MYBPC2: variants seen among roughly 807,000 people sequenced by gnomAD.
MYBPC2 encodes the protein myosin-binding protein C, fast-type.
Under a neutral mutation model 137.0 loss-of-function variants are expected in MYBPC2, and 122 were observed. The ratio of observed to expected loss-of-function variants is 0.89; its 90% CI spans 0.77 to 1.03. MYBPC2 has a LOEUF of 1.03. Among genes scored for constraint, MYBPC2 ranks in the 50% least tolerant of loss-of-function variants. MYBPC2 has a pLI of 0.00. For synonymous variants in MYBPC2, 626 were observed against 612.3 expected (o/e 1.02, Z -0.33); for missense variants, 1,500 against 1,534.4 (o/e 0.98, Z 0.37).
rs552777401 is a variant in MYBPC2, at chr19:50,461,999, C to T, written c.3191C>T (p.Ser1064Leu). The stretch of plus-strand genomic sequence containing the variant: ...GACCGCGTGGTCGTGGCTGGGTACT[C>T]GGCAGCCCTCAACTGTGCTGTCAGA... ...LIDRVVVAGY[S>L]AALNCAVRGH... Residue 1064 changes from serine to leucine, a missense_variant, in exon 26 of 28, where the codon TCG becomes TTG. By Grantham distance (145) the Ser-to-Leu change is moderately radical. Coordinates refer to ENST00000357701, the MANE Select transcript of MYBPC2 (RefSeq NM_004533.4). 46 of 1,573,286 alleles carry T rather than the reference C, an allele frequency of 2.9e-5. 1 individual carries two copies. The highest frequency in any genetic ancestry group is 1.1e-4 in the South Asian group (9 of 85,592).
Position 50,464,445 on chromosome 19 carries a change from C to T in MYBPC2, c.3328C>T (p.Pro1110Ser), listed in dbSNP as rs2039997017. The part of the protein sequence containing the change: ...QGVLTLNIRR[P>S]SPFDAGTYTC... ...AGTCCTGACGCTGAACATCCGTCGC[C>T]CCTCGCCCTTCGACGCTGGGACTTA... The change falls in exon 27 of 28, where the codon CCC becomes TCC. Residue 1110 changes from proline (P) to serine (S), a missense_variant. Coordinates refer to ENST00000357701, the MANE Select transcript of MYBPC2 (RefSeq NM_004533.4). The T allele has an allele frequency of 1.9e-5, 31 of 1,612,004 alleles. No homozygotes were observed. Among genetic ancestry groups the T allele is most frequent in the Non-Finnish European group, 2.5e-5 (30 of 1,179,272 alleles).
At position 50,446,044 on chromosome 19, in the gene MYBPC2, T is replaced by C. The variant is rs1444914945; in HGVS notation, c.1298T>C (p.Ile433Thr). Residue 433 changes from isoleucine (I) to threonine (T), a missense_variant, in exon 12 of 28, where the codon ATT (isoleucine) becomes ACT (threonine). Physicochemically the swap from Ile to Thr is moderately conservative, Grantham distance 89. Transcript: ENST00000357701. ...TNGGQCEAELIVEEKQLEVLQ... is the reference protein window; with the variant it reads ...TNGGQCEAELTVEEKQLEVLQ... ...GGCGGCCAGTGTGAGGCCGAGCTGATTGTGGAAGGTATGGGGCCTCCAGGT... is the reference window on the plus strand; with the variant it reads ...GGCGGCCAGTGTGAGGCCGAGCTGACTGTGGAAGGTATGGGGCCTCCAGGT... The C allele has an allele frequency of 6.2e-7, 1 of 1,612,694 alleles. No homozygotes were observed. The highest frequency in any genetic ancestry group is 1.1e-5 in the South Asian group (1 of 90,660).
chr19:50,454,706 G>A lies in MYBPC2; in HGVS notation c.2014+337G>A, dbSNP rs1308182262. Among the ~76,000 whole-genome samples the A allele has an allele frequency of 2.6e-5, 4 of 152,054 alleles. No individual in the cohort carries two copies. In the East Asian group the frequency reaches 7.7e-4, roughly 29 times the overall value. On this transcript the variant is annotated intron_variant, in intron 18 of 27. Coordinates refer to ENST00000357701, the MANE Select transcript of MYBPC2 (RefSeq NM_004533.4). ...CTCCCAAAGTGCTGGGATTACAGGTGTCAGCCACGGCACCAGCCTCTGCCT... is the reference window on the plus strand; with the variant it reads ...CTCCCAAAGTGCTGGGATTACAGGTATCAGCCACGGCACCAGCCTCTGCCT...
chr19:50,441,023 G>C lies in MYBPC2; in HGVS notation c.716G>C (p.Arg239Pro). The C allele has an allele frequency of 1.2e-6, 2 of 1,609,400 alleles. No individual in the cohort carries two copies. The highest frequency in any genetic ancestry group is 1.7e-6 in the Non-Finnish European group (2 of 1,177,900). ...TTCCAGTATGGCATCACCGACCTCC[G>C]GGGCATGCTGAAGCGGCTGAAAAAG... is the stretch of plus-strand genomic sequence containing the variant. Reference protein sequence around the residue: ...IAFQYGITDLRGMLKRLKKAK... With the variant: ...IAFQYGITDLPGMLKRLKKAK... The change falls in exon 8 of 28, where the codon CGG (arginine) becomes CCG (proline). Residue 239 changes from arginine (R) to proline (P), a missense_variant. Arg to Pro is a moderately radical substitution (Grantham distance 103). Transcript: ENST00000357701.
chr19:50,442,934 C>T lies in MYBPC2; in HGVS notation c.903-560C>T, dbSNP rs554901275. 3.0e-4 allele frequency among the ~76,000 whole-genome samples: 46 copies of T among 151,558 alleles called. 1 individual carries two copies. In the East Asian group the frequency reaches 5.1e-3, roughly 17 times the overall value. On this transcript the variant is annotated intron_variant, in intron 9 of 27. Coordinates refer to ENST00000357701, the MANE Select transcript of MYBPC2 (RefSeq NM_004533.4). ...CTGGGATGACAGGAGCGCCCCAACA[C>T]ATCTAATTTTTGGGGTGTATTTTTG...
chr19:50,455,600 C>G lies in MYBPC2; in HGVS notation c.2294C>G (p.Ala765Gly), dbSNP rs2039902361. The stretch of plus-strand genomic sequence containing the variant: ...TGGAGGCCTCCGAACAGGATCGGGG[C>G]AGGTGGCATCGATGGGTACCTGGTG... ...LKWRPPNRIG[A>G]GGIDGYLVEY... The change falls in exon 20 of 28, where the codon GCA becomes GGA. Residue 765 changes from alanine (A) to glycine (G), a missense_variant. Coordinates refer to ENST00000357701, the MANE Select transcript of MYBPC2 (RefSeq NM_004533.4). 2 of 1,613,892 alleles carry G rather than the reference C, an allele frequency of 1.2e-6. No individual in the cohort carries two copies. The highest frequency in any genetic ancestry group is 1.6e-4 in the Middle Eastern group (1 of 6,084).
chr19:50,443,103 A>G (rs955479193), intron 9 of MYBPC2, among the ~76,000 whole-genome samples: 1 of 152,060 alleles, frequency 6.6e-6, no homozygotes, highest in African/African-American at 2.4e-5. Context: ...GCTAGCTTGG[A>G]CAACATAGCG....
chr19:50,465,579 C>T lies in MYBPC2; in HGVS notation c.3416-616C>T, dbSNP rs1271876030. The stretch of plus-strand genomic sequence containing the variant: ...CTTTCTAGCCAAGCACGGTGGCTCT[C>T]GCCTGTAATCCCAGCACATTGGGAG... On this transcript the variant is annotated intron_variant, in intron 27 of 27. Transcript: ENST00000357701. This position sits in a 1 kb window ranked among gnomAD's most constrained non-coding sequence, Gnocchi z 4.5. Among the ~76,000 whole-genome samples, 1 of 152,206 alleles carries T rather than the reference C, an allele frequency of 6.6e-6. No individual in the cohort carries two copies. Among genetic ancestry groups the T allele is most frequent in the Admixed American group, 6.5e-5 (1 of 15,288 alleles).
At position 50,442,188 on chromosome 19, in the gene MYBPC2, A is replaced by C. The variant is rs182127097; in HGVS notation, c.777A>C (p.Thr259=). The C allele has an allele frequency of 1.4e-4, 219 of 1,592,608 alleles. 2 individuals are homozygous for C. The Admixed American group carries it at 3.8e-3, about 28-fold the overall frequency. Residue 259 remains threonine (T), a synonymous_variant, in exon 9 of 28, where the codon ACA becomes ACC. Transcript: ENST00000357701. ...KVEVKKSAAF[T]KKLDPAYQVD... is the part of the protein sequence containing the mutation. Reference sequence around the variant, plus strand: ...GCATGCCTCAATCTTCAGCATTCACAAAGAAGCTGGATCCAGCCTACCAAG... The same window carrying C: ...GCATGCCTCAATCTTCAGCATTCACCAAGAAGCTGGATCCAGCCTACCAAG...
Position 50,455,232 on chromosome 19 carries a change from C to T in MYBPC2, c.2139C>T (p.Val713=), listed in dbSNP as rs776072088. The T allele has an allele frequency of 3.1e-6, 5 of 1,613,806 alleles. No homozygotes were observed. The East Asian group carries it at 8.9e-5, about 29-fold the overall frequency. ...MIEGILYEMR[V]FAVNAIGVSQ... is the part of the protein sequence containing the mutation. ...AGGGCATCCTCTATGAGATGCGTGT[C>T]TTCGCCGTCAATGCTATAGGGGTCT... Residue 713 remains valine (V), a synonymous_variant, in exon 19 of 28, where the codon GTC becomes GTT. Coordinates refer to ENST00000357701, the MANE Select transcript of MYBPC2 (RefSeq NM_004533.4).
At chr19:50,434,800 G>C (rs1038719994) in intron 1 of MYBPC2, among the ~76,000 whole-genome samples, 2 of 152,274 alleles carry the variant, frequency 1.3e-5, no homozygotes, top group Non-Finnish European at 2.9e-5. Context: ...AGGATGCTGC[G>C]GTCAGCACCA....
Position 50,432,922 on chromosome 19 carries a change from G to T in MYBPC2, c.-32G>T. 2 of 1,604,032 alleles carry T rather than the reference G, an allele frequency of 1.2e-6. No individual in the cohort carries two copies. Among genetic ancestry groups the T allele is most frequent in the South Asian group, 1.1e-5 (1 of 89,490 alleles). ...CCCTAGGGCCTAGCGGGACGCGGCT[G>T]CGGTCAGAGGAGCAGGAGGAGGTCC... On this transcript the variant is annotated 5_prime_UTR_variant, in exon 1 of 28. Transcript: ENST00000357701. The surrounding 1 kb of genome is among the most constrained non-coding windows in gnomAD (Gnocchi z 5.5).
chr19:50,434,401 C>T (rs894306700), intron 1 of MYBPC2, among the ~76,000 whole-genome samples: 2 of 152,136 alleles, frequency 1.3e-5, no homozygotes, highest in South Asian at 2.1e-4. Context: ...AAGGGACCTT[C>T]TCTGTAGGAT....
At chr19:50,455,329 T>A (rs746237755) in intron 19 of MYBPC2, 33 bp downstream of exon 19, 1 of 1,602,240 alleles carries the variant, frequency 6.2e-7, no homozygotes, top group East Asian at 2.2e-5. Flanking sequence ...TGCCTATTGG[T>A]AATGATGGAT....
chr19:50,441,289 A>G (rs1488813030), intron 8 of MYBPC2, among the ~76,000 whole-genome samples: 3 of 152,180 alleles, frequency 2.0e-5, no homozygotes, highest in Non-Finnish European at 4.4e-5. Context: ...AGACATGCCC[A>G]CCAGTGTGCC....
At chr19:50,451,701 G>T (rs898226599) in intron 15 of MYBPC2, among the ~76,000 whole-genome samples, 163 bp from the exon 16 acceptor site, 3 of 149,754 alleles carry the variant, frequency 2.0e-5, no homozygotes, top group Admixed American at 6.7e-5. Flanking sequence ...GGGAGGAGGG[G>T]TTGGGGGCCT....
At chr19:50,446,201 C>A in intron 12 of MYBPC2, 149 bp downstream of exon 12, 2 of 1,028,442 alleles carry the variant, frequency 1.9e-6, no homozygotes, top group South Asian at 1.8e-5. Context: ...GATCTGATGG[C>A]TCCAGCTTCA....
At chr19:50,434,977 A>G (rs878948137) in intron 1 of MYBPC2, among the ~76,000 whole-genome samples, 184 bp from the exon 2 acceptor site, 1 of 125,370 alleles carries the variant, frequency 8.0e-6, no homozygotes, top group Admixed American at 8.6e-5. Flanking sequence ...GGGGGCCTGG[A>G]CTCTTGGGTC....
At chr19:50,442,428 G>A in intron 9 of MYBPC2, 115 bp downstream of exon 9, 1 of 1,405,960 alleles carries the variant, frequency 7.1e-7, no homozygotes, top group South Asian at 1.4e-5. Context: ...TATATGAAGA[G>A]TACAGGCCGG....
Sources: allele counts gnomAD v4.1 joint callset (sites outside exome capture counted in the v4.1 genomes callset), GRCh38; gene constraint gnomAD v4.1.1; non-coding constraint Gnocchi (gnomAD v3.1); transcripts MANE v1.5; gene names NCBI Gene and HGNC (gene_info 2026-07-23, HGNC 2026-07-21).